Variants in MLLT10 observed in about 807,000 individuals in gnomAD.
MLLT10 encodes MLLT10 histone lysine methyltransferase DOT1L cofactor, also known as protein AF-10.
A neutral mutation model predicts 129.1 loss-of-function variants in MLLT10; 30 were observed. The observed-to-expected ratio is 0.23, with a 90% CI of 0.17 to 0.32. The LOEUF (loss-of-function observed/expected upper bound fraction) is 0.32, where lower values mean the gene tolerates loss of function less well. MLLT10 is among the 10% of genes least tolerant of loss of function. MLLT10 has a pLI of 1.00. For synonymous variants in MLLT10, 490 were observed against 446.4 expected (o/e 1.10, Z -1.23); for missense variants, 1,119 against 1,268.3 (o/e 0.88, Z 1.79).
At chr10:21,540,291 A>G (rs939377182) in intron 3 of MLLT10, among the ~76,000 whole-genome samples, 1 of 151,970 alleles carries the variant, frequency 6.6e-6, no homozygotes, top group Non-Finnish European at 1.5e-5. Context: ...TCTGGGGGCT[A>G]AGACGGGAGA....
chr10:21,621,847 T>C (rs1358896302), intron 8 of MLLT10, among the ~76,000 whole-genome samples: 1 of 152,244 alleles, frequency 6.6e-6, no homozygotes, highest in Admixed American at 6.5e-5. Flanking sequence ...TGTTTCTCTT[T>C]GTGTATTTAA....
At chr10:21,673,317 A>ATTTT in intron 10 of MLLT10, 33 bp from the exon 11 acceptor site, 3 of 173,602 alleles carry the variant, frequency 1.7e-5, no homozygotes, top group Admixed American at 1.2e-4. Context: ...CCACCCCCCA[A>ATTTT]CTTTTTTTTT....
intron 13 of MLLT10, among the ~76,000 whole-genome samples, chr10:21,706,553 T>A (rs1441332361): frequency 6.6e-6 from 1 of 152,242 alleles, no homozygotes; most frequent in East Asian, 1.9e-4. Flanking sequence ...TAGGGATAAC[T>A]TACAGGCTTA....
chr10:21,651,078 TTTTGTTTTG>T (rs2131321316), intron 8 of MLLT10, among the ~76,000 whole-genome samples: 1 of 151,164 alleles, frequency 6.6e-6, no homozygotes, highest in South Asian at 2.1e-4. Context: ...TTTTGTTTTG[TTTTGTTTTG>T]TTGAGACGGA....
intron 3 of MLLT10, among the ~76,000 whole-genome samples, chr10:21,573,573 ATT>A (rs1376525692): frequency 6.6e-6 from 1 of 150,770 alleles, no homozygotes; most frequent in African/African-American, 2.4e-5. Flanking sequence ...GCTAAATGCC[ATT>A]TGGTGTCATG....
chr10:21,573,707 C>T (rs2040450123), intron 3 of MLLT10, among the ~76,000 whole-genome samples: 1 of 151,800 alleles, frequency 6.6e-6, no homozygotes, highest in Non-Finnish European at 1.5e-5. Context: ...GCTGAGATTA[C>T]AGGCACGTGC....
chr10:21,742,170 A>C lies in MLLT10; in HGVS notation c.*187A>C. The C allele has an allele frequency of 7.2e-6, 4 of 554,298 alleles. No homozygotes were observed. The highest frequency in any genetic ancestry group is 1.2e-5 in the Non-Finnish European group (4 of 322,164). The allele number at this position is 554,298 out of a possible 1,614,324, so 34.3% of individuals were successfully genotyped here. On this transcript the variant is annotated 3_prime_UTR_variant, in exon 23 of 23. Transcript: ENST00000307729. ...TTTTCTTGTTGCTTTGTTGCACTGA[A>C]ATGGAATTCCCATGCCCCTACCCCT...
chr10:21,689,310 T>A (rs1043639226), intron 13 of MLLT10, among the ~76,000 whole-genome samples: 2 of 151,856 alleles, frequency 1.3e-5, no homozygotes, highest in Non-Finnish European at 2.9e-5. Context: ...TGTAATAATT[T>A]CAAGGGATGT....
chr10:21,544,024 T>C (rs1422917527), intron 3 of MLLT10, among the ~76,000 whole-genome samples: 3 of 152,248 alleles, frequency 2.0e-5, no homozygotes, highest in Non-Finnish European at 2.9e-5. Context: ...TTTTGAGTGT[T>C]TACTATGTGC....
intron 13 of MLLT10, among the ~76,000 whole-genome samples, chr10:21,712,181 TTATTA>T (rs1363189357): frequency 6.6e-6 from 1 of 152,114 alleles, no homozygotes; most frequent in Admixed American, 6.5e-5. Flanking sequence ...GTGCTTTAAT[TTATTA>T]TATAAGTCAA....
intron 14 of MLLT10, among the ~76,000 whole-genome samples, chr10:21,725,940 C>T (rs180949730): frequency 4.6e-5 from 7 of 151,486 alleles, no homozygotes; most frequent in Admixed American, 6.6e-5. Flanking sequence ...TTAGTAGAGA[C>T]GGGGGTTTCA....
chr10:21,738,667 A>C, intron 21 of MLLT10: 2 of 675,450 alleles, frequency 3.0e-6, no homozygotes, highest in Non-Finnish European at 3.7e-6. Context: ...GTCCCTTCTC[A>C]TTCTTCATCT....
intron 9 of MLLT10, among the ~76,000 whole-genome samples, chr10:21,654,269 GATA>G (rs1357421521): frequency 6.6e-6 from 1 of 152,080 alleles, no homozygotes; most frequent in Non-Finnish European, 1.5e-5. Flanking sequence ...GGGAAGTGGA[GATA>G]ATGAAGGGTA....
At chr10:21,664,532 T>TG (rs1374221559) in intron 9 of MLLT10, among the ~76,000 whole-genome samples, 10 of 151,596 alleles carry the variant, frequency 6.6e-5, no homozygotes, top group African/African-American at 2.4e-4. Context: ...CTTGACCTCG[T>TG]GACCTGCCCC....
At chr10:21,717,828 T>TCTTCTCCTCCTC (rs2056828632) in intron 14 of MLLT10, among the ~76,000 whole-genome samples, 9 of 113,144 alleles carry the variant, frequency 8.0e-5, no homozygotes, top group South Asian at 3.0e-4. Context: ...TTCTCCTCCT[T>TCTTCTCCTCCTC]CTCCTCCTCC....
intron 4 of MLLT10, among the ~76,000 whole-genome samples, chr10:21,591,335 C>G (rs573864332): frequency 1.3e-5 from 2 of 152,262 alleles, no homozygotes; most frequent in South Asian, 2.1e-4. Flanking sequence ...GCCTATGTCT[C>G]AAGTTTTGAT....
At chr10:21,614,349 G>A (rs1341750124) in intron 6 of MLLT10, among the ~76,000 whole-genome samples, 1 of 151,646 alleles carries the variant, frequency 6.6e-6, no homozygotes, top group Non-Finnish European at 1.5e-5. Context: ...AAAGCACTTA[G>A]AGTTGCAAAT....
intron 13 of MLLT10, among the ~76,000 whole-genome samples, chr10:21,706,991 C>A (rs1263010681): frequency 6.6e-6 from 1 of 152,036 alleles, no homozygotes; most frequent in African/African-American, 2.4e-5. Flanking sequence ...TCTGTATGAA[C>A]TCCTCTTCTA....
intron 8 of MLLT10, among the ~76,000 whole-genome samples, chr10:21,621,345 C>G (rs2045832727): frequency 6.6e-6 from 1 of 150,896 alleles, no homozygotes; most frequent in Non-Finnish European, 1.5e-5. Context: ...TCCAGGTTCA[C>G]GCCATTTTCC....
Sources: allele counts gnomAD v4.1 joint callset (sites outside exome capture counted in the v4.1 genomes callset), GRCh38; gene constraint gnomAD v4.1.1; transcripts MANE v1.5; gene names NCBI Gene and HGNC (gene_info 2026-07-23, HGNC 2026-07-21).